Variants in CRPPA observed in about 807,000 individuals in gnomAD.
The protein encoded by CRPPA is D-ribitol-5-phosphate cytidylyltransferase.
Under a neutral mutation model 52.0 loss-of-function variants are expected in CRPPA, and 43 were observed. The ratio of observed to expected loss-of-function variants is 0.83; its 90% CI spans 0.65 to 1.07. CRPPA has a LOEUF of 1.07. Among genes scored for constraint, CRPPA ranks in the 50% least tolerant of loss-of-function variants. The pLI, the probability that CRPPA is intolerant of heterozygous loss-of-function variation, is 0.00. For missense variants in CRPPA, 629 were observed against 551.7 expected, an observed-to-expected ratio of 1.14 and a Z score of -1.40; for synonymous variants, 250 against 203.5, an observed-to-expected ratio of 1.23 and a Z score of -1.94.
chr7:16,330,381 C>T (rs1271899029), intron 3 of CRPPA, among the ~76,000 whole-genome samples: 1 of 152,136 alleles, frequency 6.6e-6, no homozygotes, highest in Non-Finnish European at 1.5e-5. Context: ...TCCTAACAAG[C>T]TGAACTACTG....
intron 3 of CRPPA, among the ~76,000 whole-genome samples, chr7:16,373,888 A>C (rs1318956517): frequency 6.6e-6 from 1 of 152,206 alleles, no homozygotes; most frequent in African/African-American, 2.4e-5. Flanking sequence ...GAAGAGGAAG[A>C]GTTATCTATA....
chr7:16,264,173 C>CA, intron 6 of CRPPA, among the ~76,000 whole-genome samples: 1 of 152,014 alleles, frequency 6.6e-6, no homozygotes, highest in South Asian at 2.1e-4. Context: ...ACAAAGACCA[C>CA]AATAGACAAC....
At chr7:16,293,970 A>G (rs1273695819) in intron 5 of CRPPA, among the ~76,000 whole-genome samples, 1 of 151,972 alleles carries the variant, frequency 6.6e-6, no homozygotes, top group Non-Finnish European at 1.5e-5. Context: ...TTTCTTGCCT[A>G]TTAAACTCCC....
chr7:16,168,183 G>A (rs1456489045), intron 9 of CRPPA, among the ~76,000 whole-genome samples: 1 of 151,976 alleles, frequency 6.6e-6, no homozygotes. Context: ...TACAAACATG[G>A]GTCAATATTT....
In CRPPA at chr7:16,258,968, A is replaced by T. The variant is rs901037542; in HGVS notation, c.978T>A (p.His326Gln). Residue 326 changes from histidine (H) to glutamine (Q), a missense_variant, in exon 7 of 10, where the codon CAT becomes CAA. Physicochemically the swap from His to Gln is conservative, Grantham distance 24. Transcript: ENST00000407010. ...ATTGATCTAAGATGATTTGCTGAAG[A>T]TGTCTGCCAGCATGACCCAGAGCCT... ...TSEALGHAGRHLQQIILDQCY... is the reference protein window; with the variant it reads ...TSEALGHAGRQLQQIILDQCY... 1.9e-6 allele frequency: 3 copies of T among 1,611,394 alleles called. No individual in the cohort carries two copies. The African/African-American group carries it at 4.0e-5, about 22-fold the overall frequency.
intron 8 of CRPPA, among the ~76,000 whole-genome samples, chr7:16,222,890 G>C (rs1782559343): frequency 6.6e-6 from 1 of 152,142 alleles, no homozygotes; most frequent in African/African-American, 2.4e-5. Context: ...TATTGATCAA[G>C]TCAGTATATC....
chr7:16,404,603 AAAAGGT>A (rs1285942953), intron 2 of CRPPA, among the ~76,000 whole-genome samples: 8 of 152,016 alleles, frequency 5.3e-5, no homozygotes. Context: ...TGAATTTTCC[AAAAGGT>A]AACACAGGCA....
chr7:16,286,249 G>T (rs1193358978), intron 5 of CRPPA, among the ~76,000 whole-genome samples: 1 of 150,766 alleles, frequency 6.6e-6, no homozygotes, highest in Admixed American at 6.6e-5. Context: ...GTTTTGGGAT[G>T]AGATTAATAT....
At position 16,306,373 on chromosome 7, in the gene CRPPA, T is replaced by C. The variant is rs189551423; in HGVS notation, c.789+2150A>G. On this transcript the variant is annotated intron_variant, in intron 4 of 9. Transcript: ENST00000407010. The stretch of plus-strand genomic sequence containing the variant: ...AGCGTGCACTGATATTTGTTGCACA[T>C]AAAAGGGGAGCAGAGCATCAAGATG... 7.9e-5 allele frequency among the ~76,000 whole-genome samples: 12 copies of C among 152,238 alleles called. No homozygotes were observed. In the East Asian group the frequency reaches 2.1e-3, roughly 27 times the overall value.
At chr7:16,305,232 T>C (rs1211517646) in intron 4 of CRPPA, among the ~76,000 whole-genome samples, 2 of 151,682 alleles carry the variant, frequency 1.3e-5, no homozygotes, top group African/African-American at 4.8e-5. Flanking sequence ...AAAGAGAAAA[T>C]AGGGACCCTG....
At chr7:16,291,781 C>T (rs1784570490) in intron 5 of CRPPA, among the ~76,000 whole-genome samples, 1 of 151,662 alleles carries the variant, frequency 6.6e-6, no homozygotes. Context: ...ATGATTGATA[C>T]CCTCAATACC....
At chr7:16,379,210 A>AGGT (rs1405623373) in intron 2 of CRPPA, among the ~76,000 whole-genome samples, 1 of 152,120 alleles carries the variant, frequency 6.6e-6, no homozygotes, top group Non-Finnish European at 1.5e-5. Flanking sequence ...GGTAATGCCT[A>AGGT]GGTTTTCTTC....
chr7:16,342,763 C>CAAA (rs368521163), intron 3 of CRPPA, among the ~76,000 whole-genome samples: 1 of 64,960 alleles, frequency 1.5e-5, no homozygotes, highest in African/African-American at 6.0e-5. Flanking sequence ...CCTGTCTCCA[C>CAAA]AAAAAAAAAA....
intron 5 of CRPPA, among the ~76,000 whole-genome samples, chr7:16,300,763 T>C (rs1784776084): frequency 6.6e-6 from 1 of 152,192 alleles, no homozygotes; most frequent in Non-Finnish European, 1.5e-5. Context: ...AATAACAGGC[T>C]ACAAAAATAC....
intron 9 of CRPPA, among the ~76,000 whole-genome samples, chr7:16,156,360 A>G (rs1175370236): frequency 6.6e-6 from 1 of 152,168 alleles, no homozygotes; most frequent in African/African-American, 2.4e-5. Context: ...CAGCTTTTTC[A>G]AAGGGCTGTG....
At chr7:16,240,570 CAT>C (rs1463552326) in intron 8 of CRPPA, among the ~76,000 whole-genome samples, 4 of 107,048 alleles carry the variant, frequency 3.7e-5, no homozygotes, top group African/African-American at 6.7e-5. Context: ...GGTTATTACA[CAT>C]ACACACACAC....
chr7:16,285,014 T>C (rs919361296), intron 5 of CRPPA, among the ~76,000 whole-genome samples: 1 of 152,170 alleles, frequency 6.6e-6, no homozygotes, highest in Non-Finnish European at 1.5e-5. Context: ...TTAAAATTAA[T>C]TTTTTCATGA....
chr7:16,152,699 G>C (rs114902734), intron 9 of CRPPA, among the ~76,000 whole-genome samples: 2 of 151,900 alleles, frequency 1.3e-5, no homozygotes, highest in African/African-American at 4.8e-5. Context: ...CAACATGAAA[G>C]GCAGGGTCTT....
chr7:16,403,325 T>C (rs764097010), intron 2 of CRPPA, among the ~76,000 whole-genome samples: 1 of 152,212 alleles, frequency 6.6e-6, no homozygotes, highest in Non-Finnish European at 1.5e-5. Flanking sequence ...TTTTGAGCTC[T>C]ACAACCTTAA....
Sources: allele counts gnomAD v4.1 joint callset (sites outside exome capture counted in the v4.1 genomes callset), GRCh38; gene constraint gnomAD v4.1.1; transcripts MANE v1.5; gene names NCBI Gene and HGNC (gene_info 2026-07-23, HGNC 2026-07-21).